The following GPR158 variants were observed in gnomAD, a reference collection of about 807,000 sequenced individuals.
GPR158 encodes the protein G protein-coupled receptor 158.
In GPR158, 30 loss-of-function variants were observed where a neutral mutation model predicts 78.2. The ratio of observed to expected loss-of-function variants is 0.38; its 90% CI spans 0.29 to 0.52. The LOEUF (loss-of-function observed/expected upper bound fraction) is 0.52, where lower values mean the gene tolerates loss of function less well. Ranked by LOEUF, GPR158 falls within the 20% of genes least tolerant of loss-of-function variation. The probability of loss-of-function intolerance (pLI) is 0.83; values close to 1 mark genes in which losing one functional copy is unlikely to be tolerated. For missense variants in GPR158, 1,463 were observed against 1,523.5 expected, an observed-to-expected ratio of 0.96 and a Z score of 0.66; for synonymous variants, 581 against 591.1, an observed-to-expected ratio of 0.98 and a Z score of 0.25.
chr10:25,430,712 C>T (rs4492703), intron 4 of GPR158, among the ~76,000 whole-genome samples: 72,165 of 111,808 alleles, frequency 0.65, 24,468 homozygotes, highest in Non-Finnish European at 0.77. Flanking sequence ...ATGCCGCATA[C>T]CTACAACTAT....
chr10:25,193,739 G>T (rs1852806619), intron 1 of GPR158, among the ~76,000 whole-genome samples: 2 of 151,790 alleles, frequency 1.3e-5, no homozygotes, highest in African/African-American at 4.8e-5. Context: ...TTTCAGTCTT[G>T]GCCTTCCTGC....
rs139543246 is a variant in GPR158, at chr10:25,181,181, C to T, written c.902+4859C>T. ...GAGTAGGCTTACCTACAGGAATAGC[C>T]GAGAGGTGTTTGCCTGGGTTACAGA... On this transcript the variant is annotated intron_variant, in intron 1 of 10. Transcript: ENST00000376351. Among the ~76,000 whole-genome samples, 28 of 152,250 alleles carry T rather than the reference C, an allele frequency of 1.8e-4. No individual in the cohort carries two copies. In the East Asian group the frequency reaches 4.2e-3, roughly 23 times the overall value.
rs777636565 is a variant in GPR158, at chr10:25,596,688, G to T, written c.2044G>T (p.Ala682Ser). The change falls in exon 10 of 11, where the codon GCA (alanine) becomes TCA (serine). Residue 682 changes from alanine (A) to serine (S), a missense_variant. By Grantham distance (99) the Ala-to-Ser change is moderately conservative. Transcript: ENST00000376351. ...CCCACGAGATGATATTGCTACAGAA[G>T]CATATGAGGATGAGCTAGACATGGG... ...NNPRDDIATE[A>S]YEDELDMGRS... The T allele has an allele frequency of 6.2e-7, 1 of 1,613,556 alleles. No individual in the cohort carries two copies. The highest frequency in any genetic ancestry group is 8.5e-7 in the Non-Finnish European group (1 of 1,179,568).
chr10:25,560,059 CTG>C (rs1836841535), intron 6 of GPR158, among the ~76,000 whole-genome samples: 1 of 152,180 alleles, frequency 6.6e-6, no homozygotes, highest in African/African-American at 2.4e-5. Context: ...GACAGTGTGA[CTG>C]TAAGTTATTC....
intron 5 of GPR158, among the ~76,000 whole-genome samples, chr10:25,480,809 T>C (rs1391516126): frequency 6.6e-6 from 1 of 152,216 alleles, no homozygotes; most frequent in Admixed American, 6.5e-5. Context: ...ATTGGGATTG[T>C]CATGGATGTT....
intron 2 of GPR158, among the ~76,000 whole-genome samples, chr10:25,292,779 A>C (rs1854458702): frequency 6.6e-6 from 1 of 152,144 alleles, no homozygotes; most frequent in South Asian, 2.1e-4. Flanking sequence ...AGAGAAATTT[A>C]TTTCTTAGAA....
At chr10:25,294,305 C>A (rs947557778) in intron 2 of GPR158, among the ~76,000 whole-genome samples, 1 of 151,876 alleles carries the variant, frequency 6.6e-6, no homozygotes, top group Non-Finnish European at 1.5e-5. Flanking sequence ...TGAGTCATAA[C>A]CATGTAACAG....
At chr10:25,444,536 T>A (rs1835113594) in intron 4 of GPR158, among the ~76,000 whole-genome samples, 1 of 151,142 alleles carries the variant, frequency 6.6e-6, no homozygotes, top group South Asian at 2.1e-4. Context: ...TGTGGAAGTG[T>A]GTGTGTGGTG....
chr10:25,359,182 GGATT>G (rs988981453), intron 2 of GPR158, among the ~76,000 whole-genome samples: 37 of 151,804 alleles, frequency 2.4e-4, no homozygotes, highest in African/African-American at 7.5e-4. Flanking sequence ...CCTTCTTGAG[GGATT>G]GATTGACCAT....
chr10:25,482,812 C>CCCA (rs1333618605), intron 5 of GPR158, among the ~76,000 whole-genome samples: 3 of 152,110 alleles, frequency 2.0e-5, no homozygotes, highest in East Asian at 1.9e-4. Flanking sequence ...AACTTCTAAT[C>CCCA]CCACCACCAC....
At position 25,572,839 on chromosome 10, in the gene GPR158, A is replaced by G. The variant is rs1319116370; in HGVS notation, c.1705A>G (p.Ile569Val). The G allele has an allele frequency of 1.1e-5, 18 of 1,613,440 alleles. No homozygotes were observed. In the Middle Eastern group the frequency reaches 1.5e-3, roughly 133 times the overall value. ...CCAGGGGAAAACATCCGATCACCTC[A>G]TCTTCAATATGTGCCTCATTGACCG... The part of the protein sequence containing the change: ...IGQGKTSDHL[I>V]FNMCLIDRWD... Residue 569 changes from isoleucine to valine, a missense_variant, in exon 7 of 11, where the codon ATC becomes GTC. By Grantham distance (29) the Ile-to-Val change is conservative. Coordinates refer to ENST00000376351, the MANE Select transcript of GPR158 (RefSeq NM_020752.3).
At chr10:25,521,227 G>C (rs970108155) in intron 5 of GPR158, among the ~76,000 whole-genome samples, 3 of 152,162 alleles carry the variant, frequency 2.0e-5, no homozygotes, top group Non-Finnish European at 4.4e-5. Flanking sequence ...TTCGGCTCGC[G>C]CACGGTGCAC....
At chr10:25,191,617 GAAACAGCTTCATAT>G (rs879258231) in intron 1 of GPR158, among the ~76,000 whole-genome samples, 14 of 152,256 alleles carry the variant, frequency 9.2e-5, no homozygotes, top group East Asian at 7.7e-4. Flanking sequence ...ACATGTCATA[GAAACAGCTTCATAT>G]AAACAGCTTC....
chr10:25,242,312 A>G (rs982684341), intron 2 of GPR158, among the ~76,000 whole-genome samples: 2 of 152,222 alleles, frequency 1.3e-5, no homozygotes, highest in Admixed American at 6.5e-5. Flanking sequence ...AGATGGTGTA[A>G]AAGCTGGTTA....
At chr10:25,526,518 CAG>C (rs1836349504) in intron 5 of GPR158, among the ~76,000 whole-genome samples, 1 of 152,092 alleles carries the variant, frequency 6.6e-6, no homozygotes, top group South Asian at 2.1e-4. Context: ...AATCAAGAGA[CAG>C]AAACTGTACA....
At chr10:25,315,354 T>TAA (rs968216767) in intron 2 of GPR158, among the ~76,000 whole-genome samples, 1 of 152,126 alleles carries the variant, frequency 6.6e-6, no homozygotes, top group South Asian at 2.1e-4. Context: ...CTTTTAGTCT[T>TAA]AAAAAAATCT....
intron 5 of GPR158, among the ~76,000 whole-genome samples, chr10:25,528,756 T>C (rs1384605511): frequency 6.6e-6 from 1 of 152,170 alleles, no homozygotes; most frequent in African/African-American, 2.4e-5. Context: ...CTTTTAGTAA[T>C]TTACAAGTTT....
chr10:25,509,849 G>A (rs1443118266), intron 5 of GPR158, among the ~76,000 whole-genome samples: 1 of 152,166 alleles, frequency 6.6e-6, no homozygotes, highest in East Asian at 1.9e-4. Context: ...GAGTAGCTGG[G>A]ACTATAAGTG....
intron 2 of GPR158, among the ~76,000 whole-genome samples, chr10:25,334,474 A>G (rs574794482): frequency 6.6e-6 from 1 of 152,192 alleles, no homozygotes; most frequent in South Asian, 2.1e-4. Context: ...ATGACAACAG[A>G]ATTGACATCA....
Sources: allele counts gnomAD v4.1 joint callset (sites outside exome capture counted in the v4.1 genomes callset), GRCh38; gene constraint gnomAD v4.1.1; transcripts MANE v1.5; gene names NCBI Gene and HGNC (gene_info 2026-07-23, HGNC 2026-07-21).